The following KLHL5 variants were observed in gnomAD, a reference collection of about 807,000 sequenced individuals.
KLHL5 encodes the protein kelch like family member 5, also known as kelch-like protein 5.
In KLHL5, 48 loss-of-function variants were observed where a neutral mutation model predicts 77.7. The ratio of observed to expected loss-of-function variants is 0.62; its 90% CI spans 0.49 to 0.79. The LOEUF is 0.79. KLHL5 is among the 30% of genes least tolerant of loss of function. The pLI is 0.00. For synonymous variants in KLHL5, 260 were observed against 297.0 expected, an observed-to-expected ratio of 0.88 and a Z score of 1.28; for missense variants, 723 against 859.7, an observed-to-expected ratio of 0.84 and a Z score of 1.99.
chr4:39,083,668 G>A (rs1719813752), intron 4 of KLHL5, among the ~76,000 whole-genome samples: 1 of 152,088 alleles, frequency 6.6e-6, no homozygotes, highest in Non-Finnish European at 1.5e-5. Flanking sequence ...TTTTTTGAAT[G>A]AGATGAATAT....
At position 39,109,172 on chromosome 4, in the gene KLHL5, G is replaced by A. The variant is rs1378291358; in HGVS notation, c.1688+1441G>A. 2.0e-5 allele frequency among the ~76,000 whole-genome samples: 3 copies of A among 152,128 alleles called. No homozygotes were observed. The East Asian group carries it at 5.8e-4, about 29-fold the overall frequency. ...ATGCGGTTGGTTGAAAAAAACCAAC[G>A]ATGCATCTTTTCTTATCATTGCTTT... On this transcript the variant is annotated intron_variant, in intron 8 of 10. Coordinates refer to ENST00000504108, the MANE Select transcript of KLHL5 (RefSeq NM_015990.5).
intron 5 of KLHL5, chr4:39,093,106 A>G (rs997411493): frequency 2.2e-6 from 1 of 456,018 alleles, no homozygotes; most frequent in Admixed American, 2.3e-5. Flanking sequence ...CCTAAGAAGC[A>G]TCCATCAACT....
rs185226923 is a variant in KLHL5 at position 39,115,812 on chromosome 4, G to A, written c.2073+482G>A. The A allele has an allele frequency of 1.2e-4, 118 of 1,021,560 alleles. No individual in the cohort carries two copies. In the East Asian group the frequency reaches 9.9e-3, roughly 86 times the overall value. The allele number at this position is 1,021,560 out of a possible 1,614,324, so 63.3% of individuals were successfully genotyped here. On this transcript the variant is annotated intron_variant, in intron 10 of 10. Coordinates refer to ENST00000504108, the MANE Select transcript of KLHL5 (RefSeq NM_015990.5). ...TTACACTGAGTAAGAAACCTGATCTGGCAGTCTTACTAACAGAAAGAATTT... is the reference window on the plus strand; with the variant it reads ...TTACACTGAGTAAGAAACCTGATCTAGCAGTCTTACTAACAGAAAGAATTT...
rs1235467501 is a variant in KLHL5, at chr4:39,045,051, C to T, written c.-140C>T. The T allele has an allele frequency of 5.3e-5, 53 of 992,834 alleles. No homozygotes were observed. In the East Asian group the frequency reaches 5.2e-3, roughly 97 times the overall value. 61.5% of individuals were successfully genotyped at this position (992,834 alleles called of 1,614,324 possible). On this transcript the variant is annotated 5_prime_UTR_variant, in exon 1 of 12. Transcript: ENST00000261425. The stretch of plus-strand genomic sequence containing the variant: ...GCCTCCCCCGCTCCTCCCGCCTGGC[C>T]GCCCCGGCCCGCCGTGACCCACGGC...
rs1380783811 is a variant in KLHL5, at chr4:39,123,008, TA to T, written c.*1943del. Among the ~76,000 whole-genome samples, 1 of 152,164 alleles carries T rather than the reference TA, an allele frequency of 6.6e-6. No homozygotes were observed. The highest frequency in any genetic ancestry group is 2.4e-5 in the African/African-American group (1 of 41,454). On this transcript the variant is annotated 3_prime_UTR_variant, in exon 11 of 11. Transcript: ENST00000504108. Reference sequence around the variant, plus strand: ...TTTTACATGTTTTGATTTAGAAAAGTAGATGCAATATAATATATTTCAAGTT... The same window carrying T: ...TTTTACATGTTTTGATTTAGAAAAGTGATGCAATATAATATATTTCAAGTT...
At chr4:39,088,557 T>C (rs1261644695) in intron 5 of KLHL5, among the ~76,000 whole-genome samples, 1 of 152,086 alleles carries the variant, frequency 6.6e-6, no homozygotes, top group African/African-American at 2.4e-5. Context: ...GTGTACTGTG[T>C]GTAAAATTGC....
intron 1 of KLHL5, among the ~76,000 whole-genome samples, chr4:39,050,275 A>G (rs146546462): frequency 1.5e-3 from 221 of 152,338 alleles, no homozygotes; most frequent in African/African-American, 5.1e-3. Context: ...CTTAAGGAGT[A>G]TTTCATGACA....
At chr4:39,075,872 TATTAC>T in intron 1 of KLHL5, 88 bp from the exon 2 acceptor site, 2 of 985,970 alleles carry the variant, frequency 2.0e-6, no homozygotes, top group Non-Finnish European at 3.1e-6. Flanking sequence ...TGATTTCTTC[TATTAC>T]ATTTGAAGGC....
chr4:39,067,706 C>T, intron 1 of KLHL5, among the ~76,000 whole-genome samples: 1 of 147,634 alleles, frequency 6.8e-6, no homozygotes, highest in South Asian at 2.2e-4. Flanking sequence ...GACAAAGTCT[C>T]ACTCTGTCAC....
intron 5 of KLHL5, among the ~76,000 whole-genome samples, chr4:39,096,149 T>C (rs10002441): frequency 5.0e-4 from 76 of 152,252 alleles, no homozygotes; most frequent in African/African-American, 1.8e-3. Context: ...ATTTGTGTTA[T>C]ATAAATATAT....
In KLHL5 at chr4:39,122,364, A is replaced by G. The variant is rs1016833671; in HGVS notation, c.*1298A>G. On this transcript the variant is annotated 3_prime_UTR_variant, in exon 11 of 11. Coordinates refer to ENST00000504108, the MANE Select transcript of KLHL5 (RefSeq NM_015990.5). The stretch of plus-strand genomic sequence containing the variant: ...TATAACAACCTTATGAGGTAGTTCT[A>G]TTCCCTTTTTATAGCTAAGGAAATT... 6.6e-6 allele frequency among the ~76,000 whole-genome samples: 1 copy of G among 152,226 alleles called. No individual in the cohort carries two copies. Among genetic ancestry groups the G allele is most frequent in the Non-Finnish European group, 1.5e-5 (1 of 68,040 alleles).
At chr4:39,142,736 C>T in the KLHL5 span, among the ~76,000 whole-genome samples, 32 of 151,386 alleles carry the variant, frequency 2.1e-4, no homozygotes, top group East Asian at 5.8e-3. Context: ...TGGAACAAAC[C>T]TTTCACACAG....
At chr4:39,113,471 A>C (rs1722607162) in intron 9 of KLHL5, among the ~76,000 whole-genome samples, 1 of 152,236 alleles carries the variant, frequency 6.6e-6, no homozygotes, top group Non-Finnish European at 1.5e-5. Flanking sequence ...ATTGGACCTA[A>C]TAAGAAGAGG....
chr4:39,087,615 G>C (rs1161368926), intron 5 of KLHL5, among the ~76,000 whole-genome samples: 1 of 152,138 alleles, frequency 6.6e-6, no homozygotes, highest in East Asian at 1.9e-4. Flanking sequence ...GAGATATCTA[G>C]TTGGTGTGTT....
chr4:39,102,965 A>G lies in KLHL5; in HGVS notation c.1301-322A>G, dbSNP rs75718558. On this transcript the variant is annotated intron_variant, in intron 6 of 10. Coordinates refer to ENST00000504108, the MANE Select transcript of KLHL5 (RefSeq NM_015990.5). ...TACTGTTAGCAGACCTACTGCTATA[A>G]ACTTTCTTCCTTTGGCTTCCATGAC... 8.9e-3 allele frequency among the ~76,000 whole-genome samples: 1,356 copies of G among 152,178 alleles called. 15 individuals are homozygous for G. The highest frequency in any genetic ancestry group is 0.031 in the African/African-American group (1,270 of 41,508).
At chr4:39,138,790 T>C in the KLHL5 span, among the ~76,000 whole-genome samples, 7 of 152,190 alleles carry the variant, frequency 4.6e-5, no homozygotes, top group East Asian at 1.3e-3. Flanking sequence ...ATGAGAACCA[T>C]GAACTATAAC....
chr4:39,069,215 T>C (rs542956639), intron 1 of KLHL5, among the ~76,000 whole-genome samples: 6 of 152,074 alleles, frequency 3.9e-5, no homozygotes, highest in Non-Finnish European at 7.4e-5. Context: ...CACATATTCA[T>C]TGGTCACATG....
Position 39,124,037 on chromosome 4 carries a change from G to A in KLHL5, c.*2971G>A, listed in dbSNP as rs1322269714. 1.3e-5 allele frequency among the ~76,000 whole-genome samples: 2 copies of A among 151,980 alleles called. No homozygotes were observed. Among genetic ancestry groups the A allele is most frequent in the Non-Finnish European group, 2.9e-5 (2 of 67,962 alleles). On this transcript the variant is annotated 3_prime_UTR_variant, in exon 11 of 11. Transcript: ENST00000504108. The stretch of plus-strand genomic sequence containing the variant: ...CAAAAGTCTAAGAAAAACCTGAGGG[G>A]AAATTAAAACAATTTCATTTACAAT...
At chr4:39,048,035 T>C (rs542703511) in intron 1 of KLHL5, among the ~76,000 whole-genome samples, 1 of 152,314 alleles carries the variant, frequency 6.6e-6, no homozygotes, top group East Asian at 1.9e-4. Flanking sequence ...GTTGAGAATC[T>C]ACTGGGTACT....
Sources: gnomAD v4.1 joint callset for allele counts (sites outside exome capture counted in the v4.1 genomes callset) on GRCh38, gnomAD v4.1.1 for gene constraint, MANE v1.5 for transcripts, NCBI Gene and HGNC (gene_info 2026-07-23, HGNC 2026-07-21) for gene names.